The following MYH13 variants were observed in gnomAD, a reference collection of about 807,000 sequenced individuals.
MYH13 encodes the protein myosin heavy chain 13.
A neutral mutation model predicts 232.1 loss-of-function variants in MYH13; 177 were observed. That is an observed-to-expected ratio of 0.76 (90% CI 0.67 to 0.86). MYH13 has a LOEUF of 0.86. Among genes scored for constraint, MYH13 ranks in the 40% least tolerant of loss-of-function variants. The probability of loss-of-function intolerance (pLI) is 0.00; values close to 1 mark genes in which losing one functional copy is unlikely to be tolerated. For missense variants in MYH13, 2,246 were observed against 2,405.9 expected, an observed-to-expected ratio of 0.93 and a Z score of 1.39; for synonymous variants, 884 against 923.5, an observed-to-expected ratio of 0.96 and a Z score of 0.78.
chr17:10,346,619 T>C lies in MYH13; in HGVS notation c.1263+61A>G, dbSNP rs868206092. 52 of 1,358,028 alleles carry C rather than the reference T, an allele frequency of 3.8e-5. No homozygotes were observed. The African/African-American group carries it at 6.1e-4, about 16-fold the overall frequency. 84.1% of individuals were successfully genotyped at this position (1,358,028 alleles called of 1,614,324 possible). ...CTGATACCTGCAACTGAAGGAGCTT[T>C]AAGATAATGGCTCAAATAGCAAAAG... On this transcript the variant is annotated intron_variant, in intron 13 of 40. Coordinates refer to ENST00000252172, the MANE Select transcript of MYH13 (RefSeq NM_003802.3).
At chr17:10,309,138 G>T in intron 35 of MYH13, 96 bp downstream of exon 35, 10 of 1,290,626 alleles carry the variant, frequency 7.7e-6, no homozygotes, top group South Asian at 3.0e-5. Flanking sequence ...CACGGCGTGG[G>T]CCCTGAGTGG....
chr17:10,347,662 C>T (rs955521436), intron 12 of MYH13, among the ~76,000 whole-genome samples: 1 of 149,434 alleles, frequency 6.7e-6, no homozygotes, highest in African/African-American at 2.5e-5. Flanking sequence ...TGGGGGCCTG[C>T]ATTGAGCTCA....
chr17:10,333,259 A>C (rs1356719241), intron 18 of MYH13, 68 bp from the exon 19 acceptor site: 2 of 1,098,448 alleles, frequency 1.8e-6, no homozygotes, highest in Non-Finnish European at 2.7e-6. Context: ...CTGAGGCACC[A>C]TGAGACCCTC....
Position 10,320,137 on chromosome 17 carries a change from G to GT in MYH13, c.3348+15dup. ...CAAAGGGATTGTCATGATTGGGAAG[G>GT]TTTTGATGCTTTTACTTGCAGTTCT... On this transcript the variant is annotated intron_variant, in intron 26 of 40. Coordinates refer to ENST00000252172, the MANE Select transcript of MYH13 (RefSeq NM_003802.3). 1.3e-6 allele frequency: 2 copies of GT among 1,558,172 alleles called. No individual in the cohort carries two copies. Among genetic ancestry groups the GT allele is most frequent in the African/African-American group, 1.4e-5 (1 of 73,932 alleles).
chr17:10,320,256 T>G lies in MYH13; in HGVS notation c.3258-13A>C. 4 of 1,584,684 alleles carry G rather than the reference T, an allele frequency of 2.5e-6. No homozygotes were observed. Among genetic ancestry groups the G allele is most frequent in the East Asian group, 4.5e-5 (2 of 44,254 alleles). ...TTCAAACTCCTTCCTGCAAATAGAT[T>G]AAAAAAAAATAAAGAACATGAAATA... On this transcript the variant is annotated splice_polypyrimidine_tract_variant and intron_variant, in intron 25 of 40. Coordinates refer to ENST00000252172, the MANE Select transcript of MYH13 (RefSeq NM_003802.3).
intron 18 of MYH13, 38 bp from the exon 19 acceptor site, chr17:10,333,229 C>T (rs1350407988): frequency 7.1e-7 from 1 of 1,408,954 alleles, no homozygotes; most frequent in Non-Finnish European, 9.8e-7. Flanking sequence ...CCTGTGACCC[C>T]TTCATTTGTT....
At position 10,345,264 on chromosome 17, in the gene MYH13, T is replaced by C; in HGVS notation, c.1522A>G (p.Ile508Val). The change falls in exon 15 of 41, where the codon ATC (isoleucine) becomes GTC (valine). Residue 508 changes from isoleucine (I) to valine (V), a missense_variant. Coordinates refer to ENST00000252172, the MANE Select transcript of MYH13 (RefSeq NM_003802.3). ...LEQEEYKKEG[I>V]EWEFIDFGMD... The stretch of plus-strand genomic sequence containing the variant: ...CCGAAGTCAATGAACTCCCACTCGA[T>C]GCCTTCCTTCTTGTACTCTTCCTGC... 6.2e-7 allele frequency: 1 copy of C among 1,614,160 alleles called. No individual in the cohort carries two copies. Among genetic ancestry groups the C allele is most frequent in the Non-Finnish European group, 8.5e-7 (1 of 1,180,010 alleles).
Position 10,366,095 on chromosome 17 carries a change from C to G in MYH13, c.-12-1553G>C, listed in dbSNP as rs557167404. ...CCACTTAAGCTCTCTGGTCCACAGC[C>G]TCTTCCCACTTATAAGGGAGAAGCC... On this transcript the variant is annotated intron_variant, in intron 2 of 40. Transcript: ENST00000252172. Among the ~76,000 whole-genome samples, 17 of 152,212 alleles carry G rather than the reference C, an allele frequency of 1.1e-4. No individual in the cohort carries two copies. The East Asian group carries it at 3.1e-3, about 28-fold the overall frequency.
In MYH13 at chr17:10,319,067, A is replaced by G. The variant is rs373375015; in HGVS notation, c.3461T>C (p.Leu1154Pro). 17 of 1,614,012 alleles carry G rather than the reference A, an allele frequency of 1.1e-5. No homozygotes were observed. Among genetic ancestry groups the G allele is most frequent in the Non-Finnish European group, 1.4e-5 (17 of 1,180,036 alleles). Residue 1154 changes from leucine (L) to proline (P), a missense_variant, in exon 27 of 41, where the codon CTG becomes CCG. Physicochemically the swap from Leu to Pro is moderately conservative, Grantham distance 98. Coordinates refer to ENST00000252172, the MANE Select transcript of MYH13 (RefSeq NM_003802.3). ...TGAAGTGGCCCCACTGGCTTCTTCC[A>G]GCCTCTCGCTGATCTCCTCCAGTTC... The part of the protein sequence containing the change: ...ARELEEISER[L>P]EEASGATSAQ...
chr17:10,320,495 A>G lies in MYH13; in HGVS notation c.3113T>C (p.Leu1038Pro), dbSNP rs758079241. ...NAKLEQQTDD[L>P]EGSLEQEKKL... ...CTTCTCCTGCTCTAAGGAACCCTCA[A>G]GCTGAGAAGACACACAGGTAGAAAA... The change falls in exon 25 of 41, where the codon CTT (leucine) becomes CCT (proline). Residue 1038 changes from leucine to proline, a missense_variant and splice_region_variant. Coordinates refer to ENST00000252172, the MANE Select transcript of MYH13 (RefSeq NM_003802.3). The G allele has an allele frequency of 3.7e-6, 6 of 1,611,780 alleles. No homozygotes were observed. Among genetic ancestry groups the G allele is most frequent in the Non-Finnish European group, 5.1e-6 (6 of 1,179,164 alleles).
Position 10,340,154 on chromosome 17 carries a change from A to C in MYH13, c.2052T>G (p.Thr684=). The C allele has an allele frequency of 6.2e-7, 1 of 1,612,812 alleles. No homozygotes were observed. The highest frequency in any genetic ancestry group is 8.5e-7 in the Non-Finnish European group (1 of 1,179,078). The change falls in exon 18 of 41, where the codon ACT becomes ACG. Residue 684 remains threonine (T), a synonymous_variant. Coordinates refer to ENST00000252172, the MANE Select transcript of MYH13 (RefSeq NM_003802.3). ...VRCLIPNETK[T]PGVMDHYLVM... Reference sequence around the variant, plus strand: ...GCAAGATCTGCTGGTACTCACCAGGAGTCTTGGTCTCATTGGGAATCAGAC... The same window carrying C: ...GCAAGATCTGCTGGTACTCACCAGGCGTCTTGGTCTCATTGGGAATCAGAC...
In MYH13 at chr17:10,306,943, G is replaced by A. The variant is rs192011217; in HGVS notation, c.5291C>T (p.Thr1764Met). The A allele has an allele frequency of 2.2e-5, 35 of 1,613,524 alleles. No individual in the cohort carries two copies. The highest frequency in any genetic ancestry group is 1.5e-4 in the Admixed American group (9 of 60,026). ...AAAAGGAAGAACAGAGCTCACATCC[G>A]TGATGGCCTTCTTGGCCTTCTCCTC... ...NAEEKAKKAI[T>M]DAAMMAEELK... The change falls in exon 36 of 41, where the codon ACG becomes ATG. Residue 1764 changes from threonine (T) to methionine (M), a missense_variant. Coordinates refer to ENST00000252172, the MANE Select transcript of MYH13 (RefSeq NM_003802.3). The surrounding 1 kb of genome is among the most constrained non-coding windows in gnomAD (Gnocchi z 4.3).
chr17:10,323,089 G>A (rs1907035140), intron 23 of MYH13, among the ~76,000 whole-genome samples: 2 of 152,142 alleles, frequency 1.3e-5, no homozygotes, highest in East Asian at 1.9e-4. Context: ...CCCTGGCACT[G>A]CCTCCAGCTG....
chr17:10,345,068 G>A, intron 15 of MYH13, 134 bp downstream of exon 15: 1 of 1,345,394 alleles, frequency 7.4e-7, no homozygotes, highest in Non-Finnish European at 1.0e-6. Context: ...TTTGCAAATA[G>A]GCATTCAGTT....
intron 23 of MYH13, among the ~76,000 whole-genome samples, chr17:10,323,134 G>A (rs1215606060): frequency 6.6e-6 from 1 of 152,156 alleles, no homozygotes; most frequent in African/African-American, 2.4e-5. Context: ...AACACCCTAG[G>A]ACATGTCGCC....
chr17:10,340,632 CCT>C (rs2071613711), intron 16 of MYH13, among the ~76,000 whole-genome samples: 1 of 152,124 alleles, frequency 6.6e-6, no homozygotes, highest in African/African-American at 2.4e-5. Flanking sequence ...CATTCTCTTG[CCT>C]CAGCCTCCCA....
chr17:10,338,690 T>TTTTG (rs1567666141), intron 18 of MYH13, among the ~76,000 whole-genome samples: 2 of 36,906 alleles, frequency 5.4e-5, no homozygotes, highest in Non-Finnish European at 1.9e-4. Context: ...TTTATCCTTG[T>TTTTG]TTTTTTTTTT....
rs566643718 is a variant in MYH13 at position 10,361,088 on chromosome 17, T to A, written c.506-900A>T. On this transcript the variant is annotated intron_variant, in intron 5 of 40. Coordinates refer to ENST00000252172, the MANE Select transcript of MYH13 (RefSeq NM_003802.3). ...GTGTAAGCCCCCCAGTCTGTGATACTGGAGCAGCCATAGCAAACTAATAGA... is the reference window on the plus strand; with the variant it reads ...GTGTAAGCCCCCCAGTCTGTGATACAGGAGCAGCCATAGCAAACTAATAGA... Among the ~76,000 whole-genome samples, 5 of 152,316 alleles carry A rather than the reference T, an allele frequency of 3.3e-5. No homozygotes were observed. The East Asian group carries it at 9.6e-4, about 29-fold the overall frequency.
intron 2 of MYH13, among the ~76,000 whole-genome samples, chr17:10,370,593 C>T (rs1039727306): frequency 1.3e-5 from 2 of 152,146 alleles, no homozygotes; most frequent in African/African-American, 4.8e-5. Flanking sequence ...TCTGTTTACC[C>T]TCTGTGTACC....
Sources: gnomAD v4.1 joint callset for allele counts (sites outside exome capture counted in the v4.1 genomes callset) on GRCh38, gnomAD v4.1.1 for gene constraint, Gnocchi (gnomAD v3.1) non-coding constraint, MANE v1.5 for transcripts, NCBI Gene and HGNC (gene_info 2026-07-23, HGNC 2026-07-21) for gene names.